The following RPS6KA2 variants were observed in gnomAD, a reference collection of about 807,000 sequenced individuals.
The protein encoded by RPS6KA2 is ribosomal protein S6 kinase alpha-2.
In RPS6KA2, 42 loss-of-function variants were observed where a neutral mutation model predicts 91.8. The observed-to-expected ratio is 0.46, with a 90% confidence interval of 0.36 to 0.59. The LOEUF is 0.59. RPS6KA2 is among the 20% of genes least tolerant of loss of function. The pLI, the probability that RPS6KA2 is intolerant of heterozygous loss-of-function variation, is 0.00. For missense variants in RPS6KA2, 798 were observed against 978.5 expected (o/e 0.82, Z 2.46); for synonymous variants, 414 against 393.6 (o/e 1.05, Z -0.61).
intron 2 of RPS6KA2, among the ~76,000 whole-genome samples, chr6:166,680,589 C>G (rs150746008): frequency 9.9e-5 from 15 of 152,066 alleles, no homozygotes; most frequent in South Asian, 2.1e-4. Context: ...AGTGACAGCA[C>G]GAGCCCGCCA....
At chr6:166,682,721 GA>G (rs1788868129) in intron 2 of RPS6KA2, among the ~76,000 whole-genome samples, 1 of 152,192 alleles carries the variant, frequency 6.6e-6, no homozygotes, top group Non-Finnish European at 1.5e-5. Flanking sequence ...TCATTCATCG[GA>G]AACCATGAAA....
At chr6:166,862,476 G>T in exon 1 of RPS6KA2, 1 of 908,598 alleles carries the variant, frequency 1.1e-6, no homozygotes, top group Non-Finnish European at 1.5e-6. Context: ...GCGAGGAAAG[G>T]AGGGGACGGC....
At chr6:166,757,599 G>A (rs1269391702) in intron 2 of RPS6KA2, 1 of 456,244 alleles carries the variant, frequency 2.2e-6, no homozygotes, top group East Asian at 7.0e-5. Flanking sequence ...CAGGTCCCGG[G>A]GGCCGGGCTC....
intron 2 of RPS6KA2, among the ~76,000 whole-genome samples, chr6:166,727,899 G>A (rs915523697): frequency 1.2e-4 from 15 of 122,370 alleles, no homozygotes; most frequent in African/African-American, 7.4e-4. Context: ...GTGACCCTCT[G>A]ATAGGGGTTT....
At chr6:166,708,237 T>C (rs899443241) in intron 2 of RPS6KA2, among the ~76,000 whole-genome samples, 2 of 152,250 alleles carry the variant, frequency 1.3e-5, no homozygotes, top group African/African-American at 4.8e-5. Context: ...ATAATAGGAT[T>C]GAGCTTGATG....
At chr6:166,658,965 C>T (rs1163444619) in intron 2 of RPS6KA2, among the ~76,000 whole-genome samples, 1 of 152,088 alleles carries the variant, frequency 6.6e-6, no homozygotes, top group Non-Finnish European at 1.5e-5. Flanking sequence ...TAATTAGATA[C>T]CCCGACCAAT....
chr6:166,452,169 A>C (rs1779937548), intron 12 of RPS6KA2, among the ~76,000 whole-genome samples: 2 of 152,180 alleles, frequency 1.3e-5, no homozygotes, highest in Admixed American at 6.5e-5. Context: ...GGGGGTGGAC[A>C]CTTATAATTG....
At chr6:166,745,148 CTT>C (rs147789754) in intron 2 of RPS6KA2, among the ~76,000 whole-genome samples, 32 of 105,910 alleles carry the variant, frequency 3.0e-4, no homozygotes, top group African/African-American at 7.3e-4. Flanking sequence ...CCTAATCGGC[CTT>C]TTTTTTTTTT....
chr6:166,530,875 G>A (rs1227539089), intron 3 of RPS6KA2, among the ~76,000 whole-genome samples: 4 of 152,228 alleles, frequency 2.6e-5, no homozygotes, highest in East Asian at 1.9e-4. Context: ...ATTTAAAACC[G>A]AGTGAGGCCG....
At chr6:166,628,227 G>C (rs1261783770), upstream of RPS6KA2, among the ~76,000 whole-genome samples, 1 of 151,728 alleles carries the variant, frequency 6.6e-6, no homozygotes, top group Admixed American at 6.6e-5. Context: ...TTTTTTCCTA[G>C]AAATGCTCAC....
At chr6:166,614,060 C>G (rs539059875) in intron 1 of RPS6KA2, among the ~76,000 whole-genome samples, 81 of 152,340 alleles carry the variant, frequency 5.3e-4, no homozygotes, top group Non-Finnish European at 8.5e-4. Context: ...ACATCTCCCC[C>G]AGAAACTCTG....
chr6:166,537,189 C>T (rs1310861007), intron 2 of RPS6KA2, among the ~76,000 whole-genome samples: 7 of 152,280 alleles, frequency 4.6e-5, no homozygotes, highest in Non-Finnish European at 1.0e-4. Flanking sequence ...TCTGTGCTTC[C>T]ACAGGTGGAA....
chr6:166,710,498 GTGTGTGTGTGTGGTGTGTGTGTGTTA>G (rs1446096515), intron 2 of RPS6KA2, among the ~76,000 whole-genome samples: 2 of 151,196 alleles, frequency 1.3e-5, no homozygotes, highest in Non-Finnish European at 3.0e-5. Context: ...GTGTGTGTGT[GTGTGTGTGTGTGGTGTGTGTGTGTTA>G]TGTGTGGTGT....
intron 12 of RPS6KA2, among the ~76,000 whole-genome samples, chr6:166,455,273 G>T (rs1212239155): frequency 1.3e-5 from 2 of 152,142 alleles, no homozygotes; most frequent in Non-Finnish European, 2.9e-5. Context: ...GGGGACAACG[G>T]TTATGAGGGC....
At chr6:166,698,752 G>A (rs1011210227) in intron 2 of RPS6KA2, among the ~76,000 whole-genome samples, 4 of 152,232 alleles carry the variant, frequency 2.6e-5, no homozygotes, top group Admixed American at 1.3e-4. Flanking sequence ...ATGAGGTGGC[G>A]AACTCGTCAG....
intron 2 of RPS6KA2, among the ~76,000 whole-genome samples, chr6:166,766,062 G>T (rs1778303385): frequency 6.6e-6 from 1 of 152,164 alleles, no homozygotes; most frequent in Admixed American, 6.5e-5. Flanking sequence ...ATTCCCTTTG[G>T]GTAGCCTGAG....
chr6:166,585,593 T>C (rs1239804119), intron 1 of RPS6KA2, among the ~76,000 whole-genome samples: 2 of 91,538 alleles, frequency 2.2e-5, no homozygotes, highest in Non-Finnish European at 3.7e-5. Flanking sequence ...ATCTATAGAT[T>C]AAGGAATCAC....
Position 166,434,811 on chromosome 6 carries a change from G to A in RPS6KA2, c.1333-2321C>T, listed in dbSNP as rs1473038761. On this transcript the variant is annotated intron_variant, in intron 14 of 20. Coordinates refer to ENST00000265678, the MANE Select transcript of RPS6KA2 (RefSeq NM_021135.6). The surrounding 1 kb of genome is among the most constrained non-coding windows in gnomAD (Gnocchi z 4.4). ...TCTTCAAGATACAAGGAGTAAAAAA[G>A]GCCGACGCGAGCAGGTGCATCCTAC... 6.6e-6 allele frequency among the ~76,000 whole-genome samples: 1 copy of A among 152,140 alleles called. No homozygotes were observed.
chr6:166,498,850 G>A (rs901542952), intron 7 of RPS6KA2, among the ~76,000 whole-genome samples, 200 bp from the exon 8 acceptor site: 1 of 152,162 alleles, frequency 6.6e-6, no homozygotes, highest in South Asian at 2.1e-4. Flanking sequence ...GCCTGAAGCC[G>A]AAATCCTCAA....
Sources: gnomAD v4.1 joint callset for allele counts (sites outside exome capture counted in the v4.1 genomes callset) on GRCh38, gnomAD v4.1.1 for gene constraint, Gnocchi (gnomAD v3.1) non-coding constraint, MANE v1.5 for transcripts, NCBI Gene and HGNC (gene_info 2026-07-23, HGNC 2026-07-21) for gene names.